ADAM32: variants seen among roughly 807,000 people sequenced by gnomAD.
ADAM32 encodes ADAM metallopeptidase domain 32, also known as disintegrin and metalloproteinase domain-containing protein 32.
ADAM32 carries 89 observed loss-of-function variants against 114.9 expected under a neutral mutation model. The observed-to-expected ratio is 0.77, with a 90% confidence interval of 0.65 to 0.92. The LOEUF is 0.92. ADAM32 is among the 40% of genes least tolerant of loss of function. ADAM32 has a pLI of 0.00. For missense variants in ADAM32, 870 were observed against 932.8 expected (o/e 0.93, Z 0.88); for synonymous variants, 285 against 307.5 (o/e 0.93, Z 0.77).
rs576921109 is a variant in ADAM32, at chr8:39,224,501, G to A, written c.1525+1263G>A. On this transcript the variant is annotated intron_variant, in intron 14 of 24. Transcript: ENST00000379907. The stretch of plus-strand genomic sequence containing the variant: ...TGAAGTGGTATCTCATTGTGGTTCT[G>A]TGATTAGTGATGAGCATCTTTTCAT... Among the ~76,000 whole-genome samples the A allele has an allele frequency of 6.6e-5, 10 of 152,194 alleles. No homozygotes were observed. The South Asian group carries it at 2.1e-3, about 32-fold the overall frequency.
At chr8:39,195,043 C>T (rs1806873113) in intron 11 of ADAM32, among the ~76,000 whole-genome samples, 1 of 152,162 alleles carries the variant, frequency 6.6e-6, no homozygotes, top group African/African-American at 2.4e-5. Context: ...ACCCTTTCCC[C>T]AGGAGTGTTT....
intron 1 of ADAM32, among the ~76,000 whole-genome samples, chr8:39,116,574 G>C (rs556468826): frequency 1.6e-4 from 24 of 152,008 alleles, no homozygotes; most frequent in Non-Finnish European, 2.5e-4. Flanking sequence ...AGTGATTTTT[G>C]TACATTGATT....
chr8:39,217,723 C>A (rs1808680748), intron 12 of ADAM32, among the ~76,000 whole-genome samples: 1 of 151,922 alleles, frequency 6.6e-6, no homozygotes, highest in South Asian at 2.1e-4. Flanking sequence ...TAAATAATTT[C>A]AATTTACTTT....
At chr8:39,128,799 T>A (rs1323256881) in intron 2 of ADAM32, among the ~76,000 whole-genome samples, 1 of 152,172 alleles carries the variant, frequency 6.6e-6, no homozygotes, top group Non-Finnish European at 1.5e-5. Flanking sequence ...GATATGAAAT[T>A]CTATGTTGGA....
At chr8:39,179,849 C>G (rs1805742305) in intron 10 of ADAM32, among the ~76,000 whole-genome samples, 1 of 152,244 alleles carries the variant, frequency 6.6e-6, no homozygotes, top group East Asian at 1.9e-4. Flanking sequence ...CATTCCTTTC[C>G]ATGAGAGCTG....
intron 19 of ADAM32, among the ~76,000 whole-genome samples, chr8:39,270,169 C>T (rs148964437): frequency 2.6e-5 from 4 of 152,200 alleles, no homozygotes; most frequent in Non-Finnish European, 5.9e-5. Flanking sequence ...CTAACCATAC[C>T]AGTTGTTTAA....
At position 39,274,333 on chromosome 8, in the gene ADAM32, T is replaced by G; in HGVS notation, c.2223T>G (p.Thr741=). The G allele has an allele frequency of 6.2e-7, 1 of 1,613,346 alleles. No individual in the cohort carries two copies. The highest frequency in any genetic ancestry group is 8.5e-7 in the Non-Finnish European group (1 of 1,179,576). ...YASQSSSEGS[T]QTYASQTRSE... ...TTAGATCCAGCTCAGAAGGCAGCAC[T>G]CAGACATATGCCAGCCAGTAAGTAG... The change falls in exon 21 of 25, where the codon ACT becomes ACG. Residue 741 remains threonine, a synonymous_variant. Coordinates refer to ENST00000379907, the MANE Select transcript of ADAM32 (RefSeq NM_145004.7).
At chr8:39,257,637 C>T (rs565187289) in intron 19 of ADAM32, among the ~76,000 whole-genome samples, 10 of 152,068 alleles carry the variant, frequency 6.6e-5, no homozygotes, top group Admixed American at 2.0e-4. Context: ...TGATCTGTAT[C>T]ATCTACAACA....
intron 16 of ADAM32, among the ~76,000 whole-genome samples, chr8:39,241,335 T>C (rs1186309351): frequency 2.6e-5 from 4 of 152,234 alleles, no homozygotes; most frequent in Non-Finnish European, 5.9e-5. Flanking sequence ...TTCTGGGGTC[T>C]GGAGGATGGT....
At chr8:39,147,317 T>G (rs569010180) in intron 4 of ADAM32, 112 bp downstream of exon 4, 1 of 426,282 alleles carries the variant, frequency 2.3e-6, no homozygotes, top group African/African-American at 2.1e-5. Flanking sequence ...TTAAGACATT[T>G]GTTGATTAAT....
chr8:39,129,680 T>C (rs374071523), intron 2 of ADAM32, among the ~76,000 whole-genome samples: 1 of 152,204 alleles, frequency 6.6e-6, no homozygotes, highest in South Asian at 2.1e-4. Context: ...ACCATAATTC[T>C]GACCTCATAG....
chr8:39,252,544 A>G (rs1811372178), intron 17 of ADAM32, among the ~76,000 whole-genome samples: 2 of 151,570 alleles, frequency 1.3e-5, no homozygotes, highest in Admixed American at 6.6e-5. Context: ...AAAAAATTGA[A>G]CAAACTCCAA....
intron 14 of ADAM32, among the ~76,000 whole-genome samples, chr8:39,230,427 G>A (rs752189658): frequency 5.9e-5 from 9 of 152,134 alleles, no homozygotes; most frequent in Non-Finnish European, 1.2e-4. Flanking sequence ...AATTGAGTTG[G>A]TTGGCGACTA....
intron 11 of ADAM32, among the ~76,000 whole-genome samples, chr8:39,201,306 G>C (rs1807386015): frequency 6.6e-6 from 1 of 152,202 alleles, no homozygotes; most frequent in Admixed American, 6.5e-5. Context: ...TCGTTGAGCA[G>C]TGGTTTGTAG....
At chr8:39,183,967 A>G (rs988223585) in intron 10 of ADAM32, among the ~76,000 whole-genome samples, 1 of 152,234 alleles carries the variant, frequency 6.6e-6, no homozygotes, top group Non-Finnish European at 1.5e-5. Flanking sequence ...TCCTCCTTCA[A>G]TGAATGAGCA....
In ADAM32 at chr8:39,270,915, G is replaced by A; in HGVS notation, c.2201+1G>A. 6.2e-7 allele frequency: 1 copy of A among 1,608,134 alleles called. No homozygotes were observed. Among genetic ancestry groups the A allele is most frequent in the Non-Finnish European group, 8.5e-7 (1 of 1,176,510 alleles). On this transcript the variant is annotated splice_donor_variant, in intron 20 of 24. Transcript: ENST00000379907. LOFTEE classifies it high-confidence loss of function. ...GTAGCACACAGACATATGCCAGCCA[G>A]TAAGTAGTTTAGAAGGTGTTTTTAA...
chr8:39,250,913 G>A (rs1218668242), intron 17 of ADAM32, among the ~76,000 whole-genome samples: 1 of 151,892 alleles, frequency 6.6e-6, no homozygotes, highest in Admixed American at 6.6e-5. Flanking sequence ...ACATAAGAGT[G>A]AGAACATGTG....
chr8:39,230,173 G>A (rs1170423137), intron 14 of ADAM32, among the ~76,000 whole-genome samples: 1 of 152,186 alleles, frequency 6.6e-6, no homozygotes, highest in African/African-American at 2.4e-5. Context: ...CATTTGGACT[G>A]TGGAAGAGCA....
At chr8:39,232,486 T>C (rs1177963711) in intron 15 of ADAM32, among the ~76,000 whole-genome samples, 1 of 152,202 alleles carries the variant, frequency 6.6e-6, no homozygotes, top group East Asian at 1.9e-4. Flanking sequence ...CAATTCCTCC[T>C]GAATCTGAAG....
Sources: gnomAD v4.1 joint callset for allele counts (sites outside exome capture counted in the v4.1 genomes callset) on GRCh38, gnomAD v4.1.1 for gene constraint, MANE v1.5 for transcripts, NCBI Gene and HGNC (gene_info 2026-07-23, HGNC 2026-07-21) for gene names.